The following BRINP3 variants were observed in gnomAD, a reference collection of about 807,000 sequenced individuals.
The protein encoded by BRINP3 is BMP/retinoic acid-inducible neural-specific protein 3.
BRINP3 carries 19 observed loss-of-function variants against 71.0 expected under a neutral mutation model. The ratio of observed to expected loss-of-function variants is 0.27; its 90% CI spans 0.19 to 0.39. BRINP3 has a LOEUF of 0.39. Ranked by LOEUF, BRINP3 falls within the 10% of genes least tolerant of loss-of-function variation. The pLI is 1.00. For synonymous variants in BRINP3, 380 were observed against 337.7 expected (o/e 1.13, Z -1.37); for missense variants, 959 against 940.8 (o/e 1.02, Z -0.25).
intron 7 of BRINP3, among the ~76,000 whole-genome samples, chr1:190,146,033 T>C (rs1655859914): frequency 6.6e-6 from 1 of 152,090 alleles, no homozygotes; most frequent in African/African-American, 2.4e-5. Flanking sequence ...AATGATATAA[T>C]GGACTTTGGG....
At chr1:190,170,423 A>G (rs1191569863) in intron 6 of BRINP3, among the ~76,000 whole-genome samples, 2 of 152,162 alleles carry the variant, frequency 1.3e-5, no homozygotes, top group Admixed American at 6.6e-5. Flanking sequence ...TGTCGTAACC[A>G]ATTAACAAGT....
At chr1:190,287,801 G>A (rs1663549216) in intron 2 of BRINP3, among the ~76,000 whole-genome samples, 1 of 152,006 alleles carries the variant, frequency 6.6e-6, no homozygotes, top group South Asian at 2.1e-4. Flanking sequence ...TTAAAGGATG[G>A]TCTGGTTTAT....
chr1:190,400,302 G>A (rs978058761), intron 2 of BRINP3, among the ~76,000 whole-genome samples: 9 of 151,974 alleles, frequency 5.9e-5, no homozygotes, highest in South Asian at 2.1e-4. Context: ...AGTTGAATTC[G>A]GAATAAATAA....
chr1:190,306,095 T>A (rs1422987280), intron 2 of BRINP3, among the ~76,000 whole-genome samples: 2 of 151,906 alleles, frequency 1.3e-5, no homozygotes, highest in African/African-American at 4.8e-5. Flanking sequence ...ATGTTCTCAT[T>A]CTTTGAAGAC....
At chr1:190,254,333 G>C (rs1385864467) in intron 4 of BRINP3, among the ~76,000 whole-genome samples, 1 of 151,742 alleles carries the variant, frequency 6.6e-6, no homozygotes, top group Non-Finnish European at 1.5e-5. Flanking sequence ...GATTGATGGG[G>C]ATGCCACTGA....
intron 6 of BRINP3, among the ~76,000 whole-genome samples, chr1:190,163,816 A>T (rs936421552): frequency 6.6e-6 from 1 of 152,108 alleles, no homozygotes; most frequent in African/African-American, 2.4e-5. Flanking sequence ...CGTCAATAGA[A>T]AATCTAGTTA....
chr1:190,100,747 A>C (rs1027937214), intron 7 of BRINP3, among the ~76,000 whole-genome samples: 8 of 152,186 alleles, frequency 5.3e-5, no homozygotes, highest in Non-Finnish European at 8.8e-5. Context: ...AAATAAATCA[A>C]ATCTAAGCCA....
intron 2 of BRINP3, among the ~76,000 whole-genome samples, chr1:190,365,742 CATT>C (rs1669450094): frequency 7.3e-6 from 1 of 137,190 alleles, no homozygotes; most frequent in African/African-American, 2.7e-5. Context: ...AATATTATAA[CATT>C]ATAAAACTAA....
intron 1 of BRINP3, among the ~76,000 whole-genome samples, chr1:190,472,054 T>A (rs1262937413): frequency 6.6e-6 from 1 of 151,530 alleles, no homozygotes; most frequent in African/African-American, 2.4e-5. Context: ...GAGATACAAG[T>A]TTATCAAAAA....
chr1:190,208,971 A>C (rs1655753836), intron 6 of BRINP3, among the ~76,000 whole-genome samples: 2 of 152,130 alleles, frequency 1.3e-5, no homozygotes, highest in Non-Finnish European at 2.9e-5. Context: ...GTAATGCCTA[A>C]AATGTCCTTT....
At chr1:190,188,914 C>A (rs999417249) in intron 6 of BRINP3, among the ~76,000 whole-genome samples, 1 of 152,064 alleles carries the variant, frequency 6.6e-6, no homozygotes, top group Admixed American at 6.6e-5. Context: ...GAGCTTCCCA[C>A]AATGCCAGGC....
At chr1:190,377,796 T>A (rs1670278654) in intron 2 of BRINP3, among the ~76,000 whole-genome samples, 1 of 151,716 alleles carries the variant, frequency 6.6e-6, no homozygotes, top group Non-Finnish European at 1.5e-5. Flanking sequence ...GCATCAGAAA[T>A]AAATTACTTA....
At chr1:190,195,929 A>T (rs80003841) in intron 6 of BRINP3, among the ~76,000 whole-genome samples, 3,418 of 152,212 alleles carry the variant, frequency 0.022, 130 homozygotes, top group African/African-American at 0.078. Context: ...GCTACACATT[A>T]TCAAAAACCT....
intron 6 of BRINP3, among the ~76,000 whole-genome samples, chr1:190,168,187 G>A (rs2102486803): frequency 6.7e-6 from 1 of 148,336 alleles, no homozygotes; most frequent in South Asian, 2.2e-4. Flanking sequence ...CATGACCAGT[G>A]CCTTGAGGTC....
chr1:190,449,446 G>A (rs905637238), intron 2 of BRINP3, among the ~76,000 whole-genome samples: 2 of 151,820 alleles, frequency 1.3e-5, no homozygotes, highest in African/African-American at 2.4e-5. Context: ...TATTTCTTTC[G>A]TTTAGCTATT....
At chr1:190,288,638 T>C (rs1372202418) in intron 2 of BRINP3, among the ~76,000 whole-genome samples, 1 of 152,000 alleles carries the variant, frequency 6.6e-6, no homozygotes, top group Admixed American at 6.6e-5. Context: ...TTGTAAAACT[T>C]AACTACAGTA....
At chr1:190,196,538 T>C (rs1171877493) in intron 6 of BRINP3, among the ~76,000 whole-genome samples, 1 of 152,086 alleles carries the variant, frequency 6.6e-6, no homozygotes, top group Non-Finnish European at 1.5e-5. Context: ...GAGAAGCACA[T>C]ATCTAGGCGT....
chr1:190,114,120 G>A (rs1652922903), intron 7 of BRINP3, among the ~76,000 whole-genome samples: 3 of 152,122 alleles, frequency 2.0e-5, no homozygotes, highest in Admixed American at 1.3e-4. Context: ...CATGAATGGA[G>A]TGAGTTGTCA....
At chr1:190,151,942 G>A (rs965989065) in intron 7 of BRINP3, among the ~76,000 whole-genome samples, 2 of 152,048 alleles carry the variant, frequency 1.3e-5, no homozygotes, top group African/African-American at 4.8e-5. Context: ...AATTTAACAG[G>A]CATTTAAGGA....
Sources: allele counts gnomAD v4.1 joint callset (sites outside exome capture counted in the v4.1 genomes callset), GRCh38; gene constraint gnomAD v4.1.1; transcripts MANE v1.5; gene names NCBI Gene and HGNC (gene_info 2026-07-23, HGNC 2026-07-21).